Variants in ASB18 observed in about 807,000 individuals in gnomAD.
The protein encoded by ASB18 is ankyrin repeat and SOCS box containing 18, also known as ankyrin repeat and SOCS box protein 18.
In ASB18, 33 loss-of-function variants were observed where a neutral mutation model predicts 33.4. That is an observed-to-expected ratio of 0.99 (90% CI 0.75 to 1.32). The LOEUF (loss-of-function observed/expected upper bound fraction) is 1.32. Ranked by LOEUF, ASB18 falls within the 40% of genes most tolerant of loss-of-function variation. The pLI, the probability that ASB18 is intolerant of heterozygous loss-of-function variation, is 0.00. For synonymous variants in ASB18, 295 were observed against 307.6 expected, an observed-to-expected ratio of 0.96 and a Z score of 0.43; for missense variants, 694 against 655.5, an observed-to-expected ratio of 1.06 and a Z score of -0.64.
In ASB18 at chr2:236,218,212, G is replaced by T. The variant is rs529801033; in HGVS notation, c.597-3346C>A. Among the ~76,000 whole-genome samples the T allele has an allele frequency of 1.8e-4, 28 of 152,302 alleles. No individual in the cohort carries two copies. In the South Asian group the frequency reaches 5.4e-3, roughly 29 times the overall value. On this transcript the variant is annotated intron_variant, in intron 3 of 5. Transcript: ENST00000409749. ...ACACTGGCCCACCCTCTGGAGGGCT[G>T]CAGATGCTCTTTTCATTTTTAATGA...
In ASB18 at chr2:236,214,160, A is replaced by G. The variant is rs908098682; in HGVS notation, c.1101+202T>C. The G allele has an allele frequency of 5.2e-6, 3 of 575,472 alleles. No homozygotes were observed. Among genetic ancestry groups the G allele is most frequent in the Non-Finnish European group, 8.9e-6 (3 of 335,246 alleles). 35.6% of individuals were successfully genotyped at this position (575,472 alleles called of 1,614,324 possible). A position where few individuals can be genotyped will look rare whatever the true frequency, so the allele number is the denominator to read the frequency against. On this transcript the variant is annotated intron_variant, in intron 4 of 5. Transcript: ENST00000409749. This position sits in a 1 kb window ranked among gnomAD's most constrained non-coding sequence, Gnocchi z 6.5. ...CTCAAAATGGGGTCCCAGGAACAGC[A>G]GTCTAGGCCACACCCGGGAGCTTGT...
Position 236,214,606 on chromosome 2 carries a change from G to A in ASB18, c.857C>T (p.Ala286Val), listed in dbSNP as rs1416533630. ...GCGCTCGTCCTCGTCGCGCGCGTCCGCCTCCGCCCCGCGCCGCAGCAGCAG... is the reference window on the plus strand; with the variant it reads ...GCGCTCGTCCTCGTCGCGCGCGTCCACCTCCGCCCCGCGCCGCAGCAGCAG... ...CALLLRRGAE[A>V]DARDEDERSP... Residue 286 changes from alanine (A) to valine (V), a missense_variant, in exon 4 of 6, where the codon GCG (alanine) becomes GTG (valine). Coordinates refer to ENST00000409749, the MANE Select transcript of ASB18 (RefSeq NM_212556.4). The surrounding 1 kb of genome is among the most constrained non-coding windows in gnomAD (Gnocchi z 6.5). 14 of 1,226,936 alleles carry A rather than the reference G, an allele frequency of 1.1e-5. No homozygotes were observed. Among genetic ancestry groups the A allele is most frequent in the East Asian group, 3.5e-5 (1 of 28,290 alleles). The allele number at this position is 1,226,936 out of a possible 1,614,324, so 76.0% of individuals were successfully genotyped here.
chr2:236,239,931 G>A lies in ASB18; in HGVS notation c.328+1349C>T, dbSNP rs1480093106. Among the ~76,000 whole-genome samples, 1 of 152,218 alleles carries A rather than the reference G, an allele frequency of 6.6e-6. No homozygotes were observed. The highest frequency in any genetic ancestry group is 1.9e-4 in the East Asian group (1 of 5,184). On this transcript the variant is annotated intron_variant, in intron 2 of 5. Transcript: ENST00000409749. The surrounding 1 kb of genome is among the most constrained non-coding windows in gnomAD (Gnocchi z 5.6). ...TCTTCCCAGCCTGTGTGGAGGCCTT[G>A]GGCCACTACTCACTGTCCGGGCTGC...
In ASB18 at chr2:236,214,366, G is replaced by T. The variant is rs746797021; in HGVS notation, c.1097C>A (p.Pro366His). ...CCGGGCTGGATCCTGCCTTACCTTG[G>T]GGAAGGCGTCGGGCCACACGGTGGG... Reference protein sequence around the residue: ...GSPTVWPDAFPKVLKTCASVP... With the variant: ...GSPTVWPDAFHKVLKTCASVP... The change falls in exon 4 of 6, where the codon CCC (proline) becomes CAC (histidine). Residue 366 changes from proline to histidine, a missense_variant. Coordinates refer to ENST00000409749, the MANE Select transcript of ASB18 (RefSeq NM_212556.4). This position sits in a 1 kb window ranked among gnomAD's most constrained non-coding sequence, Gnocchi z 6.5. The T allele has an allele frequency of 7.9e-5, 125 of 1,575,102 alleles. 3 individuals carry two copies. In the Admixed American group the frequency reaches 2.1e-3, roughly 26 times the overall value.
At position 236,237,407 on chromosome 2, in the gene ASB18, G is replaced by C. The variant is rs1172120198; in HGVS notation, c.596+282C>G. Among the ~76,000 whole-genome samples the C allele has an allele frequency of 2.0e-5, 2 of 99,308 alleles. No homozygotes were observed. Among genetic ancestry groups the C allele is most frequent in the Non-Finnish European group, 3.6e-5 (2 of 55,992 alleles). 65.1% of individuals were successfully genotyped at this position (99,308 alleles called of 152,430 possible). A position where few individuals can be genotyped will look rare whatever the true frequency, so the allele number is the denominator to read the frequency against. On this transcript the variant is annotated intron_variant, in intron 3 of 5. Coordinates refer to ENST00000409749, the MANE Select transcript of ASB18 (RefSeq NM_212556.4). This position sits in a 1 kb window ranked among gnomAD's most constrained non-coding sequence, Gnocchi z 6.2. ...GGGGCGGGGGCCGGGGCCGGGGCGC[G>C]GGGCGGGGGCCGGGGCCGGGGCGCG...
In ASB18 at chr2:236,196,272, C is replaced by T. The variant is rs1461061388; in HGVS notation, c.1215G>A (p.Gln405=). The change falls in exon 5 of 6, where the codon CAG becomes CAA. Residue 405 remains glutamine, a splice_region_variant and synonymous_variant. Transcript: ENST00000409749. This position sits in a 1 kb window ranked among gnomAD's most constrained non-coding sequence, Gnocchi z 5.6. The part of the protein sequence containing the change: ...WKEVIPEEVF[Q]MHKPFYQSLF... ...ATGGGCAGAAAGGCAGCCCTCTTGC[C>T]TGGAATACTTCCTCAGGAATCACTT... 6.5e-7 allele frequency: 1 copy of T among 1,535,498 alleles called. No individual in the cohort carries two copies. Among genetic ancestry groups the T allele is most frequent in the African/African-American group, 1.4e-5 (1 of 72,646 alleles).
rs1304018346 is a variant in ASB18, at chr2:236,225,868, A to G, written c.597-11002T>C. Among the ~76,000 whole-genome samples the G allele has an allele frequency of 2.0e-5, 3 of 152,112 alleles. No homozygotes were observed. Among genetic ancestry groups the G allele is most frequent in the Non-Finnish European group, 2.9e-5 (2 of 68,030 alleles). ...AGTCCTGTGCCCATGGCGAATTGCCAACTAAAAGGGGATGGAGCAGAACGG... is the reference window on the plus strand; with the variant it reads ...AGTCCTGTGCCCATGGCGAATTGCCGACTAAAAGGGGATGGAGCAGAACGG... On this transcript the variant is annotated intron_variant, in intron 3 of 5. Transcript: ENST00000409749. This position sits in a 1 kb window ranked among gnomAD's most constrained non-coding sequence, Gnocchi z 5.1.
Position 236,214,208 on chromosome 2 carries a change from C to T in ASB18, c.1101+154G>A. The T allele has an allele frequency of 1.2e-6, 1 of 810,910 alleles. No homozygotes were observed. Among genetic ancestry groups the T allele is most frequent in the Non-Finnish European group, 1.8e-6 (1 of 540,934 alleles). The allele number at this position is 810,910 out of a possible 1,614,324, so 50.2% of individuals were successfully genotyped here. On this transcript the variant is annotated intron_variant, in intron 4 of 5. Transcript: ENST00000409749. The surrounding 1 kb of genome is among the most constrained non-coding windows in gnomAD (Gnocchi z 6.5). The stretch of plus-strand genomic sequence containing the variant: ...TGTTGGCAATGCAGGCTCTCCCACC[C>T]CAGACCGGCAGAGCAGATTCTGCAT...
Position 236,226,770 on chromosome 2 carries a change from G to C in ASB18, c.596+10919C>G, listed in dbSNP as rs1015030987. On this transcript the variant is annotated intron_variant, in intron 3 of 5. Coordinates refer to ENST00000409749, the MANE Select transcript of ASB18 (RefSeq NM_212556.4). This position sits in a 1 kb window ranked among gnomAD's most constrained non-coding sequence, Gnocchi z 4.8. ...TCTTAGTAAGAAGCAATATTTTTCTGATCCTTTAAAGTGGGAGAGGAGTTG... is the reference window on the plus strand; with the variant it reads ...TCTTAGTAAGAAGCAATATTTTTCTCATCCTTTAAAGTGGGAGAGGAGTTG... 3.9e-5 allele frequency among the ~76,000 whole-genome samples: 6 copies of C among 152,208 alleles called. No homozygotes were observed. Among genetic ancestry groups the C allele is most frequent in the African/African-American group, 1.4e-4 (6 of 41,438 alleles).
rs1184456986 is a variant in ASB18, at chr2:236,217,412, C to CAAAAA, written c.597-2551_597-2547dup. 3.5e-5 allele frequency among the ~76,000 whole-genome samples: 3 copies of CAAAAA among 85,390 alleles called. No individual in the cohort carries two copies. Among genetic ancestry groups the CAAAAA allele is most frequent in the African/African-American group, 1.5e-4 (2 of 13,706 alleles). 56.0% of individuals were successfully genotyped at this position (85,390 alleles called of 152,430 possible). On this transcript the variant is annotated intron_variant, in intron 3 of 5. Coordinates refer to ENST00000409749, the MANE Select transcript of ASB18 (RefSeq NM_212556.4). This position sits in a 1 kb window ranked among gnomAD's most constrained non-coding sequence, Gnocchi z 5.2. ...GGGGCAACAGAGCGAGACTCTGTCT[C>CAAAAA]AAAAAAAAAAAAAAATAAATCTTGG...
intron 3 of ASB18, among the ~76,000 whole-genome samples, chr2:236,232,238 A>T (rs1474764309): frequency 6.9e-6 from 1 of 145,270 alleles, no homozygotes; most frequent in Non-Finnish European, 1.5e-5. Context: ...ACTCAATAAC[A>T]TACTTCTATA....
chr2:236,219,592 A>G lies in ASB18; in HGVS notation c.597-4726T>C, dbSNP rs2106271237. ...CCAGGCCCATCCTTGAAACACTATC[A>G]TTTCAATCCCTCCTATCAACGTCAC... On this transcript the variant is annotated intron_variant, in intron 3 of 5. Coordinates refer to ENST00000409749, the MANE Select transcript of ASB18 (RefSeq NM_212556.4). The surrounding 1 kb of genome is among the most constrained non-coding windows in gnomAD (Gnocchi z 6.4). Among the ~76,000 whole-genome samples, 1 of 152,324 alleles carries G rather than the reference A, an allele frequency of 6.6e-6. No homozygotes were observed. The highest frequency in any genetic ancestry group is 2.1e-4 in the South Asian group (1 of 4,820).
At position 236,237,930 on chromosome 2, in the gene ASB18, C is replaced by T; in HGVS notation, c.355G>A (p.Glu119Lys). ...SGLWTLEYKRELTTPLCIAAA... is the reference protein window; with the variant it reads ...SGLWTLEYKRKLTTPLCIAAA... ...GCGATGCACAGGGGCGTGGTGAGCT[C>T]ACGCTTGTACTCCAGGGTCCAGAGG... The change falls in exon 3 of 6, where the codon GAG (glutamate) becomes AAG (lysine). Residue 119 changes from glutamate to lysine, a missense_variant. Transcript: ENST00000409749. The surrounding 1 kb of genome is among the most constrained non-coding windows in gnomAD (Gnocchi z 6.2). 1.3e-6 allele frequency: 2 copies of T among 1,505,532 alleles called. No individual in the cohort carries two copies. The highest frequency in any genetic ancestry group is 1.8e-6 in the Non-Finnish European group (2 of 1,133,370). The allele number at this position is 1,505,532 out of a possible 1,614,324, so 93.3% of individuals were successfully genotyped here.
chr2:236,242,864 A>AT, intron 1 of ASB18, among the ~76,000 whole-genome samples: 1 of 151,258 alleles, frequency 6.6e-6, no homozygotes, highest in Non-Finnish European at 1.5e-5. Flanking sequence ...CTACAAAAAA[A>AT]AAAAAATTAG....
chr2:236,216,455 C>T lies in ASB18; in HGVS notation c.597-1589G>A, dbSNP rs2060488365. ...CTCTTCCCCAGGCCTAAGGAAGGCA[C>T]TCCCTCTTGATCATCTTGGCCCAGA... is the stretch of plus-strand genomic sequence containing the variant. On this transcript the variant is annotated intron_variant, in intron 3 of 5. Coordinates refer to ENST00000409749, the MANE Select transcript of ASB18 (RefSeq NM_212556.4). The surrounding 1 kb of genome is among the most constrained non-coding windows in gnomAD (Gnocchi z 6.1). Among the ~76,000 whole-genome samples the T allele has an allele frequency of 1.3e-5, 2 of 152,096 alleles. No individual in the cohort carries two copies. Among genetic ancestry groups the T allele is most frequent in the South Asian group, 4.1e-4 (2 of 4,834 alleles).
Position 236,256,760 on chromosome 2 carries a change from T to C in ASB18, c.205+7381A>G, listed in dbSNP as rs2060694099. 6.6e-6 allele frequency among the ~76,000 whole-genome samples: 1 copy of C among 152,200 alleles called. No individual in the cohort carries two copies. Among genetic ancestry groups the C allele is most frequent in the East Asian group, 1.9e-4 (1 of 5,192 alleles). ...TTCCACAGGCAGTGACAGTTCATAC[T>C]TGGGGGGAGCTGAGACGCGACCCTG... On this transcript the variant is annotated intron_variant, in intron 1 of 5. Transcript: ENST00000409749. The surrounding 1 kb of genome is among the most constrained non-coding windows in gnomAD (Gnocchi z 4.7).
rs1289536343 is a variant in ASB18, at chr2:236,251,870, C to T, written c.206-10468G>A. ...AAGAGTTCAGTGACACTAATCCTCT[C>T]CCAGTTTGCAGGTGGGAGGGTAAAT... is the stretch of plus-strand genomic sequence containing the variant. On this transcript the variant is annotated intron_variant, in intron 1 of 5. Transcript: ENST00000409749. This position sits in a 1 kb window ranked among gnomAD's most constrained non-coding sequence, Gnocchi z 5.3. Among the ~76,000 whole-genome samples the T allele has an allele frequency of 6.6e-6, 1 of 152,184 alleles. No homozygotes were observed. The highest frequency in any genetic ancestry group is 1.9e-4 in the East Asian group (1 of 5,198).
rs969634759 is a variant in ASB18 at position 236,193,476 on chromosome 2, T to A, written c.*1396A>T. ...TCCTTAAATAATGTTTTGTTTAATG[T>A]CATTTTATTATAACACCGATAAGAA... On this transcript the variant is annotated 3_prime_UTR_variant, in exon 6 of 6. Transcript: ENST00000409749. This position sits in a 1 kb window ranked among gnomAD's most constrained non-coding sequence, Gnocchi z 5.0. 6.6e-6 allele frequency among the ~76,000 whole-genome samples: 1 copy of A among 152,216 alleles called. No homozygotes were observed. The highest frequency in any genetic ancestry group is 1.5e-5 in the Non-Finnish European group (1 of 68,040).
At chr2:236,243,923 C>T (rs2219064) in intron 1 of ASB18, among the ~76,000 whole-genome samples, 83,410 of 151,566 alleles carry the variant, frequency 0.55, 23,072 homozygotes, top group Middle Eastern at 0.67. Flanking sequence ...GCCTCCAGGG[C>T]TCCAGCGATT....
Sources: gnomAD v4.1 joint callset for allele counts (sites outside exome capture counted in the v4.1 genomes callset) on GRCh38, gnomAD v4.1.1 for gene constraint, Gnocchi (gnomAD v3.1) non-coding constraint, MANE v1.5 for transcripts, NCBI Gene and HGNC (gene_info 2026-07-23, HGNC 2026-07-21) for gene names.